RGL1: variants seen among roughly 807,000 people sequenced by gnomAD.
RGL1 encodes the protein ral guanine nucleotide dissociation stimulator-like 1.
A neutral mutation model predicts 95.2 loss-of-function variants in RGL1; 24 were observed. The ratio of observed to expected loss-of-function variants is 0.25; its 90% CI spans 0.18 to 0.35. The LOEUF (loss-of-function observed/expected upper bound fraction) is 0.35, where lower values mean the gene tolerates loss of function less well. Among genes scored for constraint, RGL1 ranks in the 10% least tolerant of loss-of-function variants. The probability of loss-of-function intolerance (pLI) is 1.00; values close to 1 mark genes in which losing one functional copy is unlikely to be tolerated. For synonymous variants in RGL1, 329 were observed against 344.9 expected (o/e 0.95, Z 0.51); for missense variants, 715 against 936.3 (o/e 0.76, Z 3.08).
chr1:183,723,377 G>C (rs1024993991), intron 1 of RGL1, among the ~76,000 whole-genome samples: 1 of 152,206 alleles, frequency 6.6e-6, no homozygotes, highest in African/African-American at 2.4e-5. Flanking sequence ...ACTGTACCTG[G>C]TTTTAACTTC....
upstream of RGL1, among the ~76,000 whole-genome samples, chr1:183,801,143 T>TGTGTGTG (rs1660963984): frequency 7.7e-6 from 1 of 129,888 alleles, no homozygotes; most frequent in African/African-American, 2.6e-5. Context: ...ACTTGTTATT[T>TGTGTGTG]TGTGTGTGTG....
intron 4 of RGL1, among the ~76,000 whole-genome samples, chr1:183,867,710 C>T (rs546207463): frequency 3.1e-4 from 46 of 148,072 alleles, no homozygotes; most frequent in African/African-American, 1.1e-3. Context: ...ATCCATGATG[C>T]GGGGGTGGGG....
At chr1:183,867,014 A>G (rs1202143931) in intron 4 of RGL1, among the ~76,000 whole-genome samples, 1 of 152,214 alleles carries the variant, frequency 6.6e-6, no homozygotes, top group Non-Finnish European at 1.5e-5. Flanking sequence ...CGGTTTGAGC[A>G]GCGGAGAGAC....
chr1:183,817,428 G>A, intron 2 of RGL1, among the ~76,000 whole-genome samples: 1 of 152,056 alleles, frequency 6.6e-6, no homozygotes, highest in East Asian at 1.9e-4. Context: ...CATTTCTCTT[G>A]TGTGAGTTCC....
At chr1:183,848,304 G>A (rs1001442870) in intron 3 of RGL1, among the ~76,000 whole-genome samples, 58 of 152,204 alleles carry the variant, frequency 3.8e-4, no homozygotes, top group Non-Finnish European at 4.9e-4. Context: ...GTATTTTTAA[G>A]CTACTTATTA....
At chr1:183,787,327 A>G (rs919262554) in intron 2 of RGL1, among the ~76,000 whole-genome samples, 2 of 152,214 alleles carry the variant, frequency 1.3e-5, no homozygotes, top group African/African-American at 4.8e-5. Flanking sequence ...CTCCTTCAGG[A>G]TGCCTTAATG....
At chr1:183,712,663 G>A (rs557538389) in intron 1 of RGL1, among the ~76,000 whole-genome samples, 1 of 152,290 alleles carries the variant, frequency 6.6e-6, no homozygotes, top group South Asian at 2.1e-4. Flanking sequence ...AGCTAACATG[G>A]TAAGTCATAT....
chr1:183,876,379 C>T (rs1666498817), intron 4 of RGL1, among the ~76,000 whole-genome samples: 1 of 152,186 alleles, frequency 6.6e-6, no homozygotes, highest in African/African-American at 2.4e-5. Flanking sequence ...TTGTATGTTG[C>T]CAAGAATGCC....
chr1:183,851,164 C>T (rs772444576), intron 3 of RGL1, among the ~76,000 whole-genome samples: 20 of 152,280 alleles, frequency 1.3e-4, no homozygotes, highest in Middle Eastern at 3.4e-3. Flanking sequence ...TACGATATAA[C>T]TGGAGAGTTA....
intron 8 of RGL1, among the ~76,000 whole-genome samples, chr1:183,891,741 T>TG (rs1409933119): frequency 2.2e-5 from 1 of 45,888 alleles, no homozygotes; most frequent in Non-Finnish European, 4.8e-5. Flanking sequence ...CAGTTTTTTT[T>TG]TTTTTTTTTT....
In RGL1 at chr1:183,892,081, C is replaced by T; in HGVS notation, c.1060C>T (p.Arg354Ter). The part of the protein sequence containing the change: ...KKTWAAVPRD[R>*]MLMFEELSDI... The stretch of plus-strand genomic sequence containing the variant: ...TTTCTTAATCCCTTTTCATAGGGAC[C>T]GAATGCTGATGTTTGAAGAACTTTC... Residue 354 changes from arginine to a stop codon, truncating the protein, a stop_gained, in exon 9 of 18, where the codon CGA (arginine) becomes TGA (stop). Coordinates refer to ENST00000360851, the MANE Select transcript of RGL1 (RefSeq NM_001297671.3). LOFTEE classifies it high-confidence loss of function. 1 of 1,610,834 alleles carries T rather than the reference C, an allele frequency of 6.2e-7. No homozygotes were observed. Among genetic ancestry groups the T allele is most frequent in the Non-Finnish European group, 8.5e-7 (1 of 1,177,816 alleles).
At chr1:183,661,125 C>T (rs949580012) in intron 1 of RGL1, among the ~76,000 whole-genome samples, 3 of 152,004 alleles carry the variant, frequency 2.0e-5, no homozygotes, top group Admixed American at 1.3e-4. Flanking sequence ...AAAATTGACA[C>T]CCTAACATCA....
At chr1:183,805,392 C>G in intron 1 of RGL1, 68 bp downstream of exon 1, 1 of 1,429,966 alleles carries the variant, frequency 7.0e-7, no homozygotes, top group East Asian at 2.3e-5. Context: ...TTTCGCTGGG[C>G]GTGTTTTGGA....
intron 9 of RGL1, among the ~76,000 whole-genome samples, chr1:183,895,394 G>A (rs370919871): frequency 3.7e-4 from 56 of 152,062 alleles, no homozygotes; most frequent in Non-Finnish European, 6.5e-4. Context: ...ACTAAGAGAC[G>A]GAGAGGGAAG....
chr1:183,880,698 A>C lies in RGL1; in HGVS notation c.508A>C (p.Lys170Gln). The change falls in exon 5 of 18, where the codon AAA (lysine) becomes CAA (glutamine). Residue 170 changes from lysine (K) to glutamine (Q), a missense_variant. Lys to Gln is a moderately conservative substitution (Grantham distance 53). Coordinates refer to ENST00000360851, the MANE Select transcript of RGL1 (RefSeq NM_001297671.3). ...REPPHFPCLQ[K>Q]LLDYLTRMMP... ...GCCCCCTCACTTCCCTTGCTTACAG[A>C]AACTGCTGGATTATCTCACACGGAT... is the stretch of plus-strand genomic sequence containing the variant. 6.2e-7 allele frequency: 1 copy of C among 1,613,940 alleles called. No individual in the cohort carries two copies. The highest frequency in any genetic ancestry group is 1.1e-5 in the South Asian group (1 of 91,070).
At chr1:183,837,848 T>G (rs1466915369) in intron 2 of RGL1, among the ~76,000 whole-genome samples, 2 of 152,150 alleles carry the variant, frequency 1.3e-5, no homozygotes, top group Non-Finnish European at 2.9e-5. Context: ...TAGATTCCCA[T>G]AAGAAGTGTA....
intron 2 of RGL1, among the ~76,000 whole-genome samples, chr1:183,824,380 C>T (rs1662709798): frequency 6.6e-6 from 1 of 152,170 alleles, no homozygotes; most frequent in Non-Finnish European, 1.5e-5. Context: ...TGCTTTCTTA[C>T]TATCACCTTC....
chr1:183,828,191 T>C (rs1663005184), intron 2 of RGL1, among the ~76,000 whole-genome samples: 1 of 152,230 alleles, frequency 6.6e-6, no homozygotes, highest in South Asian at 2.1e-4. Context: ...GAAACCTATG[T>C]TTTATTTAAT....
At chr1:183,696,904 C>T (rs528838404) in intron 1 of RGL1, among the ~76,000 whole-genome samples, 29 of 152,324 alleles carry the variant, frequency 1.9e-4, no homozygotes, top group Non-Finnish European at 3.7e-4. Context: ...ACCTAAGCCA[C>T]ATCATTCTCT....
Sources: gnomAD v4.1 joint callset for allele counts (sites outside exome capture counted in the v4.1 genomes callset) on GRCh38, gnomAD v4.1.1 for gene constraint, MANE v1.5 for transcripts, NCBI Gene and HGNC (gene_info 2026-07-23, HGNC 2026-07-21) for gene names.